ESYT3: variants seen among roughly 807,000 people sequenced by gnomAD.
The protein encoded by ESYT3 is extended synaptotagmin-3.
Under a neutral mutation model 111.5 loss-of-function variants are expected in ESYT3, and 101 were observed. The observed-to-expected ratio is 0.91, with a 90% CI of 0.77 to 1.07. The LOEUF (loss-of-function observed/expected upper bound fraction) is 1.07. Ranked by LOEUF, ESYT3 falls within the 50% of genes least tolerant of loss-of-function variation. ESYT3 has a pLI of 0.00. For synonymous variants in ESYT3, 416 were observed against 446.8 expected (o/e 0.93, Z 0.87); for missense variants, 1,097 against 1,109.4 (o/e 0.99, Z 0.16).
chr3:138,452,003 G>A (rs760245500), intron 1 of ESYT3, 45 bp from the exon 2 acceptor site: 35 of 1,609,552 alleles, frequency 2.2e-5, no homozygotes, highest in Non-Finnish European at 2.9e-5. Context: ...TTCCCAGCGG[G>A]TGTGCGGCTT....
chr3:138,450,803 C>T (rs371389228), intron 1 of ESYT3, among the ~76,000 whole-genome samples: 2 of 152,318 alleles, frequency 1.3e-5, no homozygotes, highest in East Asian at 3.9e-4. Context: ...GGTAGGTGTG[C>T]GAACTGCAGG....
chr3:138,455,369 A>T, intron 3 of ESYT3, 41 bp downstream of exon 3: 1 of 1,609,946 alleles, frequency 6.2e-7, no homozygotes, highest in Non-Finnish European at 8.5e-7. Flanking sequence ...CTGGCTGTGC[A>T]GTCTTCTCTC....
At chr3:138,436,389 C>T (rs530689566) in intron 1 of ESYT3, among the ~76,000 whole-genome samples, 2 of 152,304 alleles carry the variant, frequency 1.3e-5, no homozygotes, top group East Asian at 1.9e-4. Context: ...GATTAAGGCT[C>T]ACCCTAATGA....
At chr3:138,481,103 T>C (rs1052363616), downstream of ESYT3, 18 of 152,334 alleles carry the variant, frequency 1.2e-4, no homozygotes, top group African/African-American at 4.3e-4. Flanking sequence ...TATTAGACTG[T>C]GTAAAGCAAA....
intron 10 of ESYT3, among the ~76,000 whole-genome samples, chr3:138,467,198 G>A (rs1278551165): frequency 1.3e-5 from 2 of 152,178 alleles, no homozygotes; most frequent in Admixed American, 1.3e-4. Context: ...ACAGGACCAG[G>A]AGGCCAAATT....
rs113541980 is a variant in ESYT3 at position 138,468,798 on chromosome 3, C to G, written c.1372-21C>G. On this transcript the variant is annotated intron_variant, in intron 13 of 22. Coordinates refer to ENST00000389567, the MANE Select transcript of ESYT3 (RefSeq NM_031913.5). ...TCAAATTGTCCTGTGTTGCTTTAAC[C>G]CCGTTATTCCTGTGCTGCAGAGAAA... 2.5e-6 allele frequency: 4 copies of G among 1,613,996 alleles called. No homozygotes were observed. The African/African-American group carries it at 4.0e-5, about 16-fold the overall frequency.
chr3:138,480,920 C>A (rs2033676728), downstream of ESYT3: 1 of 152,086 alleles, frequency 6.6e-6, no homozygotes, highest in Non-Finnish European at 1.5e-5. Flanking sequence ...CAGAAAAGAG[C>A]CCAGAAACAG....
rs770420270 is a variant in ESYT3, at chr3:138,474,398, A to T, written c.2468+46A>T. ...CCTAGAGTGCCTCACCCATTCAAGTATTTTCCAAGTACCTGTTATGTTGCC... is the reference window on the plus strand; with the variant it reads ...CCTAGAGTGCCTCACCCATTCAAGTTTTTTCCAAGTACCTGTTATGTTGCC... On this transcript the variant is annotated intron_variant, in intron 20 of 22. Coordinates refer to ENST00000389567, the MANE Select transcript of ESYT3 (RefSeq NM_031913.5). 17 of 1,534,020 alleles carry T rather than the reference A, an allele frequency of 1.1e-5. No individual in the cohort carries two copies. The South Asian group carries it at 2.2e-4, about 20-fold the overall frequency.
In ESYT3 at chr3:138,438,766, TCTC is replaced by T. The variant is rs374818571; in HGVS notation, c.327+3646_327+3648del. 3.1e-4 allele frequency among the ~76,000 whole-genome samples: 47 copies of T among 152,314 alleles called. 1 individual carries two copies. The East Asian group carries it at 7.3e-3, about 24-fold the overall frequency. Reference sequence around the variant, plus strand: ...TAGTCAAACTTCAGACAATCCTGCTTCTCCTCCAGGTCCCCAGCCATGGGAGAT... The same window carrying T: ...TAGTCAAACTTCAGACAATCCTGCTTCTCCAGGTCCCCAGCCATGGGAGAT... On this transcript the variant is annotated intron_variant, in intron 1 of 22. Coordinates refer to ENST00000389567, the MANE Select transcript of ESYT3 (RefSeq NM_031913.5).
At chr3:138,472,061 G>A (rs1353991363) in intron 17 of ESYT3, among the ~76,000 whole-genome samples, 1 of 152,026 alleles carries the variant, frequency 6.6e-6, no homozygotes, top group Admixed American at 6.6e-5. Flanking sequence ...GAATTCCAAG[G>A]TTGATATACA....
intron 10 of ESYT3, among the ~76,000 whole-genome samples, chr3:138,466,229 C>G (rs2032920139): frequency 6.6e-6 from 1 of 152,148 alleles, no homozygotes; most frequent in South Asian, 2.1e-4. Context: ...GCTGTTAACA[C>G]CGCTTATCTC....
downstream of ESYT3, chr3:138,481,093 T>TATTA (rs1190886619): frequency 6.6e-6 from 1 of 152,256 alleles, no homozygotes; most frequent in Non-Finnish European, 1.5e-5. Flanking sequence ...ACTCCAGGTA[T>TATTA]ATTAGACTGT....
chr3:138,481,406 AC>A (rs2033686609), downstream of ESYT3: 2 of 152,110 alleles, frequency 1.3e-5, no homozygotes, highest in Admixed American at 1.3e-4. Flanking sequence ...TCGCTCTGTC[AC>A]CCAGGCTGGA....
chr3:138,470,933 G>A lies in ESYT3; in HGVS notation c.1647G>A (p.Gln549=). 1 of 1,614,172 alleles carries A rather than the reference G, an allele frequency of 6.2e-7. No homozygotes were observed. The highest frequency in any genetic ancestry group is 1.1e-5 in the South Asian group (1 of 91,078). Residue 549 remains glutamine (Q), a synonymous_variant, in exon 17 of 23, where the codon CAG becomes CAA. Transcript: ENST00000389567. ...GAATGCTGGAGGTCCCCCTGTGCCAGATCCTCCCCTATGCTGACCTCACTC... is the reference window on the plus strand; with the variant it reads ...GAATGCTGGAGGTCCCCCTGTGCCAAATCCTCCCCTATGCTGACCTCACTC... ...ALGMLEVPLC[Q]ILPYADLTLE...
At chr3:138,470,365 C>A (rs1307397248) in intron 16 of ESYT3, 1 of 1,256,056 alleles carries the variant, frequency 8.0e-7, no homozygotes, top group African/African-American at 1.5e-5. Flanking sequence ...ATCCTCAAGT[C>A]CCTTGACTTT....
At chr3:138,454,700 C>T (rs1426245729) in intron 2 of ESYT3, among the ~76,000 whole-genome samples, 1 of 152,240 alleles carries the variant, frequency 6.6e-6, no homozygotes, top group Non-Finnish European at 1.5e-5. Context: ...CACTTCATTC[C>T]CAAATCAGCA....
chr3:138,480,329 TTA>T (rs1390343743), downstream of ESYT3: 34 of 152,328 alleles, frequency 2.2e-4, no homozygotes, highest in Non-Finnish European at 4.3e-4. Flanking sequence ...TCTGTTTATA[TTA>T]ATGGCAGCAA....
At chr3:138,472,911 C>T in intron 18 of ESYT3, 52 bp downstream of exon 18, 1 of 1,556,328 alleles carries the variant, frequency 6.4e-7, no homozygotes, top group Non-Finnish European at 8.7e-7. Context: ...TGAAAAATAC[C>T]TCGCTGGATG....
chr3:138,473,131 G>C (rs1234716465), intron 18 of ESYT3: 2 of 1,359,134 alleles, frequency 1.5e-6, no homozygotes, highest in African/African-American at 2.9e-5. Context: ...AGTTATACTG[G>C]GATGACATGG....
Sources: gnomAD v4.1 joint callset for allele counts (sites outside exome capture counted in the v4.1 genomes callset) on GRCh38, gnomAD v4.1.1 for gene constraint, MANE v1.5 for transcripts, NCBI Gene and HGNC (gene_info 2026-07-23, HGNC 2026-07-21) for gene names.